Variants in SLC7A1 observed in about 807,000 individuals in gnomAD.
SLC7A1 encodes solute carrier family 7 member 1.
In SLC7A1, 10 loss-of-function variants were observed where a neutral mutation model predicts 53.9. The observed-to-expected ratio is 0.19, with a 90% CI of 0.11 to 0.31. The LOEUF is 0.31. Ranked by LOEUF, SLC7A1 falls within the 10% of genes least tolerant of loss-of-function variation. The probability of loss-of-function intolerance (pLI) is 1.00; values close to 1 mark genes in which losing one functional copy is unlikely to be tolerated. For synonymous variants in SLC7A1, 342 were observed against 338.7 expected (o/e 1.01, Z -0.11); for missense variants, 525 against 827.2 (o/e 0.63, Z 4.48).
chr13:29,532,916 T>G lies in SLC7A1; in HGVS notation c.437A>C (p.Glu146Ala). ...CAGAGTCATGTGTGTCCGTGAGAAC[T>G]CCCCGATGGGTCTGCCTATCAGCTC... ...FDELIGRPIG[E>A]FSRTHMTLNA... The change falls in exon 4 of 13, where the codon GAG becomes GCG. Residue 146 changes from glutamate to alanine, a missense_variant. Glu to Ala is a moderately radical substitution (Grantham distance 107, BLOSUM62 -1). Coordinates refer to ENST00000380752, the MANE Select transcript of SLC7A1 (RefSeq NM_003045.5). The G allele has an allele frequency of 1.2e-6, 2 of 1,614,120 alleles. No homozygotes were observed. Among genetic ancestry groups the G allele is most frequent in the Non-Finnish European group, 1.7e-6 (2 of 1,179,996 alleles).
chr13:29,535,213 T>A (rs922335207), intron 3 of SLC7A1, among the ~76,000 whole-genome samples: 7 of 152,162 alleles, frequency 4.6e-5, no homozygotes, highest in Non-Finnish European at 8.8e-5. Flanking sequence ...ATGGAAACAA[T>A]CTGAACATCC....
Position 29,519,429 on chromosome 13 carries a change from C to T in SLC7A1, c.1292+18G>A. ...GCATCTGCATTTCTGTCATGAGACC[C>T]CCAAAAGCCATACATACCGTAAGAC... On this transcript the variant is annotated intron_variant, in intron 9 of 12. Coordinates refer to ENST00000380752, the MANE Select transcript of SLC7A1 (RefSeq NM_003045.5). 1 of 1,492,816 alleles carries T rather than the reference C, an allele frequency of 6.7e-7. No homozygotes were observed. Among genetic ancestry groups the T allele is most frequent in the Non-Finnish European group, 9.3e-7 (1 of 1,070,490 alleles). 92.5% of individuals were successfully genotyped at this position (1,492,816 alleles called of 1,614,324 possible).
chr13:29,574,202 A>T (rs975275029), intron 1 of SLC7A1, among the ~76,000 whole-genome samples: 1 of 152,328 alleles, frequency 6.6e-6, no homozygotes, highest in East Asian at 1.9e-4. Flanking sequence ...ATGAAGATAG[A>T]TGGTAAGAGT....
intron 9 of SLC7A1, among the ~76,000 whole-genome samples, chr13:29,518,905 G>C (rs2776953): frequency 0.96 from 145,481 of 151,844 alleles, 69,822 homozygotes; most frequent in Non-Finnish European, 0.99. Flanking sequence ...ACTGTGACTG[G>C]GAGAGGCTTG....
intron 6 of SLC7A1, 107 bp from the exon 7 acceptor site, chr13:29,523,595 G>A (rs1868738104): frequency 6.3e-6 from 5 of 790,478 alleles, no homozygotes; most frequent in Admixed American, 4.2e-5. Context: ...GTGACCCTAC[G>A]AGAAACCTCC....
intron 1 of SLC7A1, among the ~76,000 whole-genome samples, chr13:29,594,320 CTA>C (rs1417823518): frequency 6.6e-6 from 1 of 152,262 alleles, no homozygotes; most frequent in African/African-American, 2.4e-5. Context: ...CATCTGGTAA[CTA>C]TGTCTGGACT....
intron 5 of SLC7A1, among the ~76,000 whole-genome samples, chr13:29,528,842 G>A (rs372775819): frequency 6.6e-5 from 10 of 152,138 alleles, no homozygotes; most frequent in South Asian, 4.1e-4. Context: ...TCTGGGGGCC[G>A]GTACAGCTAG....
chr13:29,568,543 C>T (rs995429628), intron 1 of SLC7A1, among the ~76,000 whole-genome samples: 6 of 152,302 alleles, frequency 3.9e-5, no homozygotes, highest in South Asian at 2.1e-4. Context: ...AAAATAAAAA[C>T]GCATGTGCAT....
chr13:29,576,963 G>C (rs1373613601), intron 1 of SLC7A1, among the ~76,000 whole-genome samples: 1 of 152,144 alleles, frequency 6.6e-6, no homozygotes, highest in Non-Finnish European at 1.5e-5. Flanking sequence ...CTGGGTCAGA[G>C]GGGCCCTGGT....
chr13:29,541,095 A>G (rs1025072144), intron 2 of SLC7A1, among the ~76,000 whole-genome samples: 1 of 152,096 alleles, frequency 6.6e-6, no homozygotes, highest in Non-Finnish European at 1.5e-5. Context: ...ATGAGAGAGG[A>G]CGTGGAGTCT....
At chr13:29,578,308 A>G (rs909109448) in intron 1 of SLC7A1, among the ~76,000 whole-genome samples, 1 of 152,030 alleles carries the variant, frequency 6.6e-6, no homozygotes, top group Non-Finnish European at 1.5e-5. Context: ...GTTTTTTGCA[A>G]ATCGAACTCT....
In SLC7A1 at chr13:29,523,575, C is replaced by T. The variant is rs73452350; in HGVS notation, c.827-87G>A. Reference sequence around the variant, plus strand: ...TGACACCCAAGGCCTCTCAGTGCCCCGGAACCCACGTGACCCTACGAGAAA... The same window carrying T: ...TGACACCCAAGGCCTCTCAGTGCCCTGGAACCCACGTGACCCTACGAGAAA... On this transcript the variant is annotated intron_variant, in intron 6 of 12. Coordinates refer to ENST00000380752, the MANE Select transcript of SLC7A1 (RefSeq NM_003045.5). 13,016 of 982,010 alleles carry T rather than the reference C, an allele frequency of 0.013. 1,025 individuals are homozygous for T. In the African/African-American group the frequency reaches 0.17, roughly 13 times the overall value. The allele number at this position is 982,010 out of a possible 1,614,324, so 60.8% of individuals were successfully genotyped here. A position where few individuals can be genotyped will look rare whatever the true frequency, so the allele number is the denominator to read the frequency against.
At chr13:29,550,043 C>T (rs944040487) in intron 2 of SLC7A1, among the ~76,000 whole-genome samples, 3 of 152,178 alleles carry the variant, frequency 2.0e-5, no homozygotes, top group African/African-American at 7.2e-5. Flanking sequence ...TCTCTGCAGT[C>T]TCCACTGCCA....
intron 12 of SLC7A1, among the ~76,000 whole-genome samples, chr13:29,515,800 G>A (rs753900435): frequency 2.7e-4 from 41 of 152,242 alleles, no homozygotes; most frequent in African/African-American, 7.7e-4. Flanking sequence ...CCTAGTGCCC[G>A]TACCAATTTG....
At chr13:29,590,155 C>G (rs562771775) in intron 1 of SLC7A1, among the ~76,000 whole-genome samples, 22 of 152,316 alleles carry the variant, frequency 1.4e-4, no homozygotes, top group African/African-American at 5.1e-4. Context: ...CTCACTGCTG[C>G]CCCCAGGTGG....
At chr13:29,586,598 T>C (rs1871893736) in intron 1 of SLC7A1, 1 of 152,140 alleles carries the variant, frequency 6.6e-6, no homozygotes, top group Non-Finnish European at 1.5e-5. Flanking sequence ...CATGATTTAC[T>C]GAAAGACACT....
intron 8 of SLC7A1, 69 bp downstream of exon 8, chr13:29,522,248 G>A: frequency 6.6e-7 from 1 of 1,509,704 alleles, no homozygotes; most frequent in East Asian, 2.3e-5. Flanking sequence ...AACTGCGCAA[G>A]ACGTCTCCCT....
In SLC7A1 at chr13:29,560,015, CT is replaced by C. The variant is rs371726876; in HGVS notation, c.-114-6156del. 4.6e-5 allele frequency among the ~76,000 whole-genome samples: 7 copies of C among 151,982 alleles called. No homozygotes were observed. In the East Asian group the frequency reaches 9.6e-4, roughly 21 times the overall value. ...CAGGCGTGAGCCATTGCACCCGGACCTTTTTTTTAAAACTCTTACTTTTTCA... is the reference window on the plus strand; with the variant it reads ...CAGGCGTGAGCCATTGCACCCGGACCTTTTTTTAAAACTCTTACTTTTTCA... On this transcript the variant is annotated intron_variant, in intron 1 of 12. Coordinates refer to ENST00000380752, the MANE Select transcript of SLC7A1 (RefSeq NM_003045.5).
chr13:29,520,789 A>T (rs1240976215), intron 8 of SLC7A1, among the ~76,000 whole-genome samples: 1 of 152,230 alleles, frequency 6.6e-6, no homozygotes, highest in African/African-American at 2.4e-5. Flanking sequence ...GCAATGAGGG[A>T]GGGCCTTTTG....
Sources: gnomAD v4.1 joint callset for allele counts (sites outside exome capture counted in the v4.1 genomes callset) on GRCh38, gnomAD v4.1.1 for gene constraint, MANE v1.5 for transcripts, NCBI Gene and HGNC (gene_info 2026-07-23, HGNC 2026-07-21) for gene names.